Variants in NREP observed in about 807,000 individuals in gnomAD.
The protein encoded by NREP is neuronal regeneration related protein.
NREP carries 5 observed loss-of-function variants against 8.6 expected under a neutral mutation model. The observed-to-expected ratio is 0.58, with a 90% CI of 0.30 to 1.22. The LOEUF (loss-of-function observed/expected upper bound fraction) is 1.22, where lower values mean the gene tolerates loss of function less well. Ranked by LOEUF, NREP falls within the 50% of genes most tolerant of loss-of-function variation. NREP has a pLI of 0.07. For missense variants in NREP, 86 were observed against 82.5 expected, an observed-to-expected ratio of 1.04 and a Z score of -0.17; for synonymous variants, 27 against 28.0, an observed-to-expected ratio of 0.96 and a Z score of 0.11.
intron 2 of NREP, among the ~76,000 whole-genome samples, chr5:111,773,118 T>C (rs1453896827): frequency 6.6e-6 from 1 of 152,094 alleles, no homozygotes; most frequent in African/African-American, 2.4e-5. Context: ...ATAACTTTCA[T>C]TCAATTCTCT....
At chr5:111,970,014 T>C (rs1255065361) in intron 2 of NREP, among the ~76,000 whole-genome samples, 1 of 152,186 alleles carries the variant, frequency 6.6e-6, no homozygotes, top group Non-Finnish European at 1.5e-5. Flanking sequence ...AATAATAGAA[T>C]TATAGGGGAA....
intron 2 of NREP, among the ~76,000 whole-genome samples, chr5:111,783,150 A>T (rs1177185108): frequency 6.6e-6 from 1 of 152,160 alleles, no homozygotes; most frequent in African/African-American, 2.4e-5. Context: ...TGACACTCTC[A>T]ACAGACTTAT....
At chr5:111,820,465 G>A (rs1365593605) in intron 2 of NREP, among the ~76,000 whole-genome samples, 5 of 152,076 alleles carry the variant, frequency 3.3e-5, no homozygotes, top group African/African-American at 4.8e-5. Flanking sequence ...TATACATATA[G>A]TATGATTACT....
intron 2 of NREP, among the ~76,000 whole-genome samples, chr5:111,828,726 G>A (rs1042494273): frequency 6.6e-6 from 1 of 151,866 alleles, no homozygotes; most frequent in African/African-American, 2.4e-5. Context: ...TGAATTTTTA[G>A]CATGATAAAA....
chr5:111,863,630 AAAG>A (rs1203621143), intron 2 of NREP, among the ~76,000 whole-genome samples: 3 of 152,146 alleles, frequency 2.0e-5, no homozygotes, highest in African/African-American at 7.2e-5. Flanking sequence ...GCCAGAGAAA[AAAG>A]AGAAAAGCTA....
intron 2 of NREP, among the ~76,000 whole-genome samples, chr5:111,951,833 T>C (rs940156004): frequency 2.6e-5 from 4 of 152,116 alleles, no homozygotes; most frequent in African/African-American, 9.7e-5. Flanking sequence ...TATAATGGTT[T>C]ATATCCATGT....
chr5:111,809,779 A>G (rs1354470855), intron 2 of NREP, among the ~76,000 whole-genome samples: 1 of 152,182 alleles, frequency 6.6e-6, no homozygotes, highest in Non-Finnish European at 1.5e-5. Context: ...ATATTCTGTT[A>G]TAACAATACA....
chr5:111,894,320 G>T (rs1754459298), intron 2 of NREP, among the ~76,000 whole-genome samples: 1 of 151,944 alleles, frequency 6.6e-6, no homozygotes, highest in African/African-American at 2.4e-5. Flanking sequence ...AATTTAAGTG[G>T]CTATATTTAT....
At chr5:111,912,120 C>T (rs1049113800) in intron 2 of NREP, among the ~76,000 whole-genome samples, 3 of 152,058 alleles carry the variant, frequency 2.0e-5, no homozygotes, top group African/African-American at 4.8e-5. Flanking sequence ...TAAATTAGAG[C>T]ATTCCTTGAA....
At chr5:111,772,646 A>G (rs1751258679) in intron 2 of NREP, among the ~76,000 whole-genome samples, 1 of 151,580 alleles carries the variant, frequency 6.6e-6, no homozygotes, top group South Asian at 2.1e-4. Flanking sequence ...CCCTCCCCCG[A>G]GACACCAACA....
At chr5:111,948,581 C>T (rs1423429698) in intron 2 of NREP, among the ~76,000 whole-genome samples, 1 of 152,082 alleles carries the variant, frequency 6.6e-6, no homozygotes, top group Non-Finnish European at 1.5e-5. Context: ...CCCTCCCTGA[C>T]AACTGTGCCT....
At chr5:111,867,110 C>T (rs189674829) in intron 2 of NREP, among the ~76,000 whole-genome samples, 4 of 150,746 alleles carry the variant, frequency 2.7e-5, no homozygotes, top group Admixed American at 1.3e-4. Context: ...CTAACCTGCA[C>T]GTTGTGCACA....
intron 2 of NREP, among the ~76,000 whole-genome samples, chr5:111,921,456 T>A (rs1462869425): frequency 1.3e-5 from 2 of 152,088 alleles, no homozygotes; most frequent in Non-Finnish European, 2.9e-5. Context: ...CTCTCCCTGA[T>A]TAGTTGACAT....
chr5:111,923,902 C>T (rs974031367), intron 2 of NREP, among the ~76,000 whole-genome samples: 1 of 152,116 alleles, frequency 6.6e-6, no homozygotes, highest in African/African-American at 2.4e-5. Context: ...GTTAAAGACC[C>T]TTTTTGATTC....
At chr5:111,894,086 G>C (rs1448276645) in intron 2 of NREP, among the ~76,000 whole-genome samples, 1 of 151,924 alleles carries the variant, frequency 6.6e-6, no homozygotes, top group African/African-American at 2.4e-5. Context: ...AGGCATGGTG[G>C]CAGGCACCTG....
At chr5:111,878,363 AC>A (rs749001149) in intron 2 of NREP, among the ~76,000 whole-genome samples, 5 of 152,190 alleles carry the variant, frequency 3.3e-5, no homozygotes, top group Admixed American at 6.5e-5. Context: ...AGCACATCTT[AC>A]ATGGCGGCAG....
chr5:111,850,631 GAC>G (rs539268273), intron 2 of NREP, among the ~76,000 whole-genome samples: 54 of 152,056 alleles, frequency 3.6e-4, no homozygotes, highest in African/African-American at 1.2e-3. Context: ...TGTTTCAAAT[GAC>G]AGTTATATTC....
chr5:111,957,959 C>A (rs1210230897), intron 2 of NREP, among the ~76,000 whole-genome samples: 2 of 151,756 alleles, frequency 1.3e-5, no homozygotes, highest in Non-Finnish European at 2.9e-5. Flanking sequence ...TGCAACAATA[C>A]CCATTCATGA....
At chr5:111,937,865 T>G (rs1341390164) in intron 2 of NREP, among the ~76,000 whole-genome samples, 3 of 152,042 alleles carry the variant, frequency 2.0e-5, no homozygotes, top group African/African-American at 7.2e-5. Flanking sequence ...TGACTCCAAT[T>G]TACCTGGTCA....
Sources: gnomAD v4.1 joint callset for allele counts (sites outside exome capture counted in the v4.1 genomes callset) on GRCh38, gnomAD v4.1.1 for gene constraint, MANE v1.5 for transcripts, NCBI Gene and HGNC (gene_info 2026-07-23, HGNC 2026-07-21) for gene names.